SEMA5A: variants seen among roughly 807,000 people sequenced by gnomAD.
SEMA5A encodes the protein semaphorin 5A, also known as semaphorin-5A.
A neutral mutation model predicts 135.5 loss-of-function variants in SEMA5A; 55 were observed. That is an observed-to-expected ratio of 0.41 (90% CI 0.33 to 0.51). The LOEUF (loss-of-function observed/expected upper bound fraction) is 0.51. Ranked by LOEUF, SEMA5A falls within the 20% of genes least tolerant of loss-of-function variation. SEMA5A has a pLI of 0.37. For synonymous variants in SEMA5A, 580 were observed against 546.5 expected (o/e 1.06, Z -0.85); for missense variants, 1,290 against 1,419.9 (o/e 0.91, Z 1.47).
chr5:9,333,068 G>C (rs965915730), intron 4 of SEMA5A, among the ~76,000 whole-genome samples: 2 of 152,166 alleles, frequency 1.3e-5, no homozygotes, highest in African/African-American at 2.4e-5. Context: ...AAGAGAATCA[G>C]AATTGAGTAA....
rs538840553 is a variant in SEMA5A, at chr5:9,346,887, T to C, written c.125-9075A>G. Among the ~76,000 whole-genome samples, 186 of 137,504 alleles carry C rather than the reference T, an allele frequency of 1.4e-3. 1 individual carries two copies. Among genetic ancestry groups the C allele is most frequent in the African/African-American group, 5.2e-3 (180 of 34,342 alleles). The allele number at this position is 137,504 out of a possible 152,430, so 90.2% of individuals were successfully genotyped here. On this transcript the variant is annotated intron_variant, in intron 3 of 22. Transcript: ENST00000382496. Reference sequence around the variant, plus strand: ...GGCATCAATGTGGTCATTGTGTATATATATATGTGTGTGTGTGTGTGTGTG... The same window carrying C: ...GGCATCAATGTGGTCATTGTGTATACATATATGTGTGTGTGTGTGTGTGTG...
intron 16 of SEMA5A, among the ~76,000 whole-genome samples, chr5:9,103,507 C>T (rs547485141): frequency 6.6e-6 from 1 of 152,270 alleles, no homozygotes; most frequent in African/African-American, 2.4e-5. Flanking sequence ...TCCAGGCTTT[C>T]TGTGGTCTGG....
chr5:9,436,785 A>C (rs1758048059), intron 2 of SEMA5A, among the ~76,000 whole-genome samples: 1 of 152,212 alleles, frequency 6.6e-6, no homozygotes, highest in Non-Finnish European at 1.5e-5. Context: ...CCCCTACACA[A>C]CTAGTCCTCT....
At chr5:9,514,277 T>C (rs1736383121) in intron 1 of SEMA5A, among the ~76,000 whole-genome samples, 1 of 152,116 alleles carries the variant, frequency 6.6e-6, no homozygotes, top group Non-Finnish European at 1.5e-5. Context: ...TGCAGAATAA[T>C]CTCTCACCTC....
chr5:9,341,643 G>T (rs1753657836), intron 3 of SEMA5A, among the ~76,000 whole-genome samples: 1 of 142,514 alleles, frequency 7.0e-6, no homozygotes, highest in Non-Finnish European at 1.5e-5. Flanking sequence ...CAGCCAATAT[G>T]ACTATATATA....
intron 15 of SEMA5A, among the ~76,000 whole-genome samples, chr5:9,114,375 T>C (rs1740398977): frequency 6.6e-6 from 1 of 152,212 alleles, no homozygotes; most frequent in Admixed American, 6.5e-5. Flanking sequence ...GTTTTGGAAA[T>C]AGTAGTTACG....
Position 9,042,830 on chromosome 5 carries a change from TG to T in SEMA5A, c.*66del. On this transcript the variant is annotated 3_prime_UTR_variant, in exon 23 of 23. Transcript: ENST00000382496. The stretch of plus-strand genomic sequence containing the variant: ...CTTCGACTCTGAAGCCTCAGAAACA[TG>T]GGCAGTCATGGGGCACAGGCCTTGA... 1 of 1,583,492 alleles carries T rather than the reference TG, an allele frequency of 6.3e-7. No homozygotes were observed. Among genetic ancestry groups the T allele is most frequent in the Non-Finnish European group, 8.6e-7 (1 of 1,157,272 alleles).
At chr5:9,481,077 C>A (rs190263927) in intron 1 of SEMA5A, among the ~76,000 whole-genome samples, 80 of 152,120 alleles carry the variant, frequency 5.3e-4, no homozygotes, top group African/African-American at 1.9e-3. Context: ...TCCTGAGTAG[C>A]GGGGATTACA....
intron 16 of SEMA5A, among the ~76,000 whole-genome samples, chr5:9,071,074 C>A (rs1455205096): frequency 6.6e-6 from 1 of 152,118 alleles, no homozygotes; most frequent in Non-Finnish European, 1.5e-5. Flanking sequence ...GATTTGGCAC[C>A]TAAGGTTCTT....
At chr5:9,210,516 C>A (rs1746286568) in intron 8 of SEMA5A, among the ~76,000 whole-genome samples, 1 of 152,216 alleles carries the variant, frequency 6.6e-6, no homozygotes, top group African/African-American at 2.4e-5. Context: ...AGTCCACATA[C>A]CCCTCTTCAT....
intron 5 of SEMA5A, among the ~76,000 whole-genome samples, chr5:9,277,125 C>T (rs550212412): frequency 6.6e-6 from 1 of 152,042 alleles, no homozygotes; most frequent in South Asian, 2.1e-4. Flanking sequence ...CGGAAAAAAA[C>T]AAACAACCCC....
chr5:9,288,912 A>G (rs1750930891), intron 5 of SEMA5A, among the ~76,000 whole-genome samples: 2 of 152,246 alleles, frequency 1.3e-5, no homozygotes, highest in Admixed American at 1.3e-4. Context: ...CTCATCCTTC[A>G]AACAAAAACA....
intron 5 of SEMA5A, among the ~76,000 whole-genome samples, chr5:9,285,069 G>T (rs935809935): frequency 1.3e-5 from 2 of 152,160 alleles, no homozygotes; most frequent in Non-Finnish European, 2.9e-5. Flanking sequence ...ATCTGTAGTT[G>T]TGTGCTAAAT....
At chr5:9,304,982 C>G (rs1751790885) in intron 5 of SEMA5A, among the ~76,000 whole-genome samples, 1 of 152,102 alleles carries the variant, frequency 6.6e-6, no homozygotes, top group African/African-American at 2.4e-5. Flanking sequence ...CTCAGATATC[C>G]CATTATTGAT....
intron 1 of SEMA5A, among the ~76,000 whole-genome samples, chr5:9,493,033 C>T (rs1735105117): frequency 6.6e-6 from 1 of 151,894 alleles, no homozygotes; most frequent in African/African-American, 2.4e-5. Context: ...TGATGATGTG[C>T]CAATGTAGGT....
At chr5:9,203,284 C>T (rs1258063111) in intron 8 of SEMA5A, among the ~76,000 whole-genome samples, 1 of 152,136 alleles carries the variant, frequency 6.6e-6, no homozygotes, top group East Asian at 1.9e-4. Flanking sequence ...CCTTTGGTGT[C>T]CAAAATTAAT....
intron 5 of SEMA5A, among the ~76,000 whole-genome samples, chr5:9,279,412 T>C (rs1183258660): frequency 6.6e-6 from 1 of 152,188 alleles, no homozygotes; most frequent in Admixed American, 6.5e-5. Context: ...GGAAGGGACT[T>C]GGCTTGTGTC....
At chr5:9,380,090 A>G in intron 2 of SEMA5A, 67 bp from the exon 3 acceptor site, 1 of 1,037,140 alleles carries the variant, frequency 9.6e-7, no homozygotes, top group South Asian at 1.7e-5. Context: ...GTCTTCTGGT[A>G]AAACTTCCTC....
chr5:9,317,016 C>CT (rs1267202273), intron 5 of SEMA5A, among the ~76,000 whole-genome samples: 2 of 152,090 alleles, frequency 1.3e-5, no homozygotes, highest in African/African-American at 4.8e-5. Flanking sequence ...AAGAGTTTGT[C>CT]TTTTTAGATT....
Sources: gnomAD v4.1 joint callset for allele counts (sites outside exome capture counted in the v4.1 genomes callset) on GRCh38, gnomAD v4.1.1 for gene constraint, MANE v1.5 for transcripts, NCBI Gene and HGNC (gene_info 2026-07-23, HGNC 2026-07-21) for gene names.